LRP1B: variants seen among roughly 807,000 people sequenced by gnomAD.
The protein encoded by LRP1B is LDL receptor related protein 1B.
LRP1B carries 217 observed loss-of-function variants against 556.6 expected under a neutral mutation model. The observed-to-expected ratio is 0.39, with a 90% CI of 0.35 to 0.44. The LOEUF is 0.44. LRP1B is among the 20% of genes least tolerant of loss of function. The pLI, the probability that LRP1B is intolerant of heterozygous loss-of-function variation, is 1.00. For synonymous variants in LRP1B, 2,047 were observed against 1,865.8 expected, an observed-to-expected ratio of 1.10 and a Z score of -2.50; for missense variants, 5,053 against 5,620.8, an observed-to-expected ratio of 0.90 and a Z score of 3.23.
At chr2:141,816,638 G>T (rs993118709) in intron 1 of LRP1B, among the ~76,000 whole-genome samples, 1 of 152,110 alleles carries the variant, frequency 6.6e-6, no homozygotes, top group African/African-American at 2.4e-5. Flanking sequence ...CCTTGTGATT[G>T]TGTGAATCAA....
intron 31 of LRP1B, among the ~76,000 whole-genome samples, chr2:140,829,825 A>C (rs1691653284): frequency 6.6e-6 from 1 of 152,042 alleles, no homozygotes; most frequent in Non-Finnish European, 1.5e-5. Flanking sequence ...AAGATAAATG[A>C]CATAAAAAGC....
chr2:140,595,094 A>C (rs75008987), intron 43 of LRP1B, among the ~76,000 whole-genome samples: 2,724 of 15,064 alleles, frequency 0.18, 57 homozygotes, highest in Middle Eastern at 0.36. Flanking sequence ...TTGAATATAT[A>C]TATATATATA....
intron 1 of LRP1B, among the ~76,000 whole-genome samples, chr2:141,976,058 ACTC>A (rs1701877940): frequency 6.7e-6 from 1 of 149,798 alleles, no homozygotes; most frequent in Non-Finnish European, 1.5e-5. Flanking sequence ...TTCTTAATTC[ACTC>A]CTATGATTTT....
intron 3 of LRP1B, among the ~76,000 whole-genome samples, chr2:141,383,293 C>T (rs1689708744): frequency 6.6e-6 from 1 of 152,028 alleles, no homozygotes; most frequent in South Asian, 2.1e-4. Flanking sequence ...TAATGGAAAA[C>T]AGTATAGAGG....
chr2:141,667,699 T>C lies in LRP1B; in HGVS notation c.205+142580A>G, dbSNP rs146589903. ...TCTTTCTATGCACAGAAAACTCTAC[T>C]ACCTCTTCATTACACATCACATTTT... is the stretch of plus-strand genomic sequence containing the variant. On this transcript the variant is annotated intron_variant, in intron 2 of 90. Transcript: ENST00000389484. Among the ~76,000 whole-genome samples, 771 of 152,328 alleles carry C rather than the reference T, an allele frequency of 5.1e-3. 5 individuals are homozygous for C. Among genetic ancestry groups the C allele is most frequent in the Middle Eastern group, 0.027 (8 of 294 alleles).
intron 1 of LRP1B, among the ~76,000 whole-genome samples, chr2:142,129,552 C>T (rs190469297): frequency 1.3e-5 from 2 of 150,300 alleles, no homozygotes; most frequent in Admixed American, 6.6e-5. Context: ...TGCCTATTTG[C>T]TTGGCATTGG....
chr2:141,804,358 T>A (rs187511748), intron 2 of LRP1B, among the ~76,000 whole-genome samples: 31 of 152,246 alleles, frequency 2.0e-4, no homozygotes, highest in African/African-American at 7.0e-4. Context: ...TCAATTAATA[T>A]TTTTGACTAT....
At chr2:140,284,085 G>C (rs965191370) in intron 84 of LRP1B, among the ~76,000 whole-genome samples, 1 of 151,430 alleles carries the variant, frequency 6.6e-6, no homozygotes, top group Non-Finnish European at 1.5e-5. Flanking sequence ...GCCATATTTA[G>C]GCCCTAATTT....
At chr2:141,905,563 G>A (rs1358258518) in intron 1 of LRP1B, among the ~76,000 whole-genome samples, 1 of 151,568 alleles carries the variant, frequency 6.6e-6, no homozygotes, top group Non-Finnish European at 1.5e-5. Context: ...AGAAATTGGA[G>A]ATAAACTTAA....
At chr2:140,809,113 T>C (rs893428030) in intron 32 of LRP1B, among the ~76,000 whole-genome samples, 1 of 152,156 alleles carries the variant, frequency 6.6e-6, no homozygotes, top group Non-Finnish European at 1.5e-5. Context: ...CCCTCTGTGC[T>C]GAAGCAACAA....
rs2105419448 is a variant in LRP1B at position 140,700,240 on chromosome 2, C to T, written c.6799+10G>A. 1 of 1,602,480 alleles carries T rather than the reference C, an allele frequency of 6.2e-7. No individual in the cohort carries two copies. The highest frequency in any genetic ancestry group is 8.5e-7 in the Non-Finnish European group (1 of 1,172,926). ...TTTCCACCTATTTAAAATTGAATTACTGTACTTACTTTCAACAATTACTTG... is the reference window on the plus strand; with the variant it reads ...TTTCCACCTATTTAAAATTGAATTATTGTACTTACTTTCAACAATTACTTG... On this transcript the variant is annotated intron_variant, in intron 41 of 90. Transcript: ENST00000389484.
At chr2:141,039,681 T>TG (rs1411967867) in intron 11 of LRP1B, among the ~76,000 whole-genome samples, 1 of 152,090 alleles carries the variant, frequency 6.6e-6, no homozygotes, top group Non-Finnish European at 1.5e-5. Flanking sequence ...TATGTACACA[T>TG]GCTTATTTTG....
At chr2:141,201,560 G>A (rs1298493902) in intron 6 of LRP1B, among the ~76,000 whole-genome samples, 1 of 151,750 alleles carries the variant, frequency 6.6e-6, no homozygotes, top group Non-Finnish European at 1.5e-5. Flanking sequence ...GTTTTGATTT[G>A]TGTCCCTAAA....
chr2:141,241,669 G>A (rs755949942), intron 5 of LRP1B, among the ~76,000 whole-genome samples: 7 of 151,898 alleles, frequency 4.6e-5, no homozygotes, highest in South Asian at 2.1e-4. Flanking sequence ...TAAAGCATCC[G>A]GCAAACATTT....
At chr2:141,875,993 C>A (rs576483893) in intron 1 of LRP1B, among the ~76,000 whole-genome samples, 1 of 151,896 alleles carries the variant, frequency 6.6e-6, no homozygotes, top group East Asian at 1.9e-4. Flanking sequence ...GTGTATAAAA[C>A]AATAATACAG....
intron 1 of LRP1B, among the ~76,000 whole-genome samples, chr2:141,924,411 T>C (rs1700280279): frequency 6.6e-6 from 1 of 152,098 alleles, no homozygotes; most frequent in South Asian, 2.1e-4. Context: ...ACATTGATCC[T>C]TCAAGCCCAT....
At chr2:141,315,325 T>G (rs1032104780) in intron 3 of LRP1B, among the ~76,000 whole-genome samples, 2 of 134,614 alleles carry the variant, frequency 1.5e-5, no homozygotes, top group Non-Finnish European at 3.1e-5. Context: ...AGTGGCGCGA[T>G]CTTGGCTCAC....
intron 7 of LRP1B, among the ~76,000 whole-genome samples, chr2:141,144,386 A>G (rs2105064869): frequency 6.6e-6 from 1 of 152,336 alleles, no homozygotes; most frequent in East Asian, 1.9e-4. Context: ...GTGAAATGAA[A>G]CTGACATATC....
At chr2:142,089,594 TC>T (rs905778465) in intron 1 of LRP1B, among the ~76,000 whole-genome samples, 21 of 152,312 alleles carry the variant, frequency 1.4e-4, no homozygotes, top group Admixed American at 1.1e-3. Context: ...CAAAGACGCA[TC>T]CCATTCATGG....
Sources: gnomAD v4.1 joint callset for allele counts (sites outside exome capture counted in the v4.1 genomes callset) on GRCh38, gnomAD v4.1.1 for gene constraint, MANE v1.5 for transcripts, NCBI Gene and HGNC (gene_info 2026-07-23, HGNC 2026-07-21) for gene names.